NCAM1: variants seen among roughly 807,000 people sequenced by gnomAD.
NCAM1 encodes antigen recognized by monoclonal antibody 5.1H11.
NCAM1 carries 14 observed loss-of-function variants against 109.8 expected under a neutral mutation model. That is an observed-to-expected ratio of 0.13 (90% CI 0.08 to 0.20). The LOEUF (loss-of-function observed/expected upper bound fraction) is 0.20. Ranked by LOEUF, NCAM1 falls within the 10% of genes least tolerant of loss-of-function variation. NCAM1 has a pLI of 1.00. For synonymous variants in NCAM1, 418 were observed against 442.9 expected, an observed-to-expected ratio of 0.94 and a Z score of 0.70; for missense variants, 774 against 1,109.9, an observed-to-expected ratio of 0.70 and a Z score of 4.30.
rs145300323 is a variant in NCAM1 at position 113,149,464 on chromosome 11, G to C, written c.53-52915G>C. On this transcript the variant is annotated intron_variant, in intron 1 of 19. Coordinates refer to ENST00000316851, the MANE Select transcript of NCAM1 (RefSeq NM_181351.5). Reference sequence around the variant, plus strand: ...ACAGGGCAGAGGAAGTGGGAGAGTAGATAAATGGAAGAAATAAGATGAAGG... The same window carrying C: ...ACAGGGCAGAGGAAGTGGGAGAGTACATAAATGGAAGAAATAAGATGAAGG... 3.3e-4 allele frequency among the ~76,000 whole-genome samples: 51 copies of C among 152,296 alleles called. 1 individual carries two copies. The East Asian group carries it at 9.8e-3, about 29-fold the overall frequency.
chr11:113,190,254 G>A (rs544404984), intron 1 of NCAM1, among the ~76,000 whole-genome samples: 1 of 152,304 alleles, frequency 6.6e-6, no homozygotes, highest in Admixed American at 6.5e-5. Context: ...TGGGGGTTGG[G>A]GAAGGATTTT....
intron 15 of NCAM1, among the ~76,000 whole-genome samples, chr11:113,254,710 TC>T (rs1222525279): frequency 6.6e-6 from 1 of 152,134 alleles, no homozygotes; most frequent in African/African-American, 2.4e-5. Context: ...GGCTCTTCTG[TC>T]ACACGTCTGT....
intron 1 of NCAM1, among the ~76,000 whole-genome samples, chr11:113,153,723 G>T (rs966871134): frequency 1.3e-5 from 2 of 152,204 alleles, no homozygotes; most frequent in Non-Finnish European, 2.9e-5. Flanking sequence ...TGTGTTTTGT[G>T]TGTACAGGTG....
intron 1 of NCAM1, among the ~76,000 whole-genome samples, chr11:113,148,734 C>T (rs901620623): frequency 6.6e-6 from 1 of 152,158 alleles, no homozygotes; most frequent in African/African-American, 2.4e-5. Flanking sequence ...TCAATTCCTG[C>T]AGTAGTTTTG....
At chr11:112,984,517 T>C (rs1426344769) in intron 1 of NCAM1, among the ~76,000 whole-genome samples, 2 of 151,958 alleles carry the variant, frequency 1.3e-5, no homozygotes, top group Non-Finnish European at 2.9e-5. Context: ...CCACCAACAG[T>C]GTACAAGGGT....
At chr11:113,251,765 T>G (rs1555121366) in intron 15 of NCAM1, among the ~76,000 whole-genome samples, 3 of 152,128 alleles carry the variant, frequency 2.0e-5, no homozygotes, top group Admixed American at 6.5e-5. Flanking sequence ...TTTACTGAAC[T>G]TACTCATAAT....
chr11:113,260,011 T>G, intron 16 of NCAM1, 135 bp from the exon 17 acceptor site: 2 of 760,722 alleles, frequency 2.6e-6, no homozygotes, highest in East Asian at 2.9e-5. Flanking sequence ...ACCCCCATCA[T>G]TGCTTCTTAT....
intron 1 of NCAM1, among the ~76,000 whole-genome samples, chr11:113,102,555 G>A (rs1939923066): frequency 6.6e-6 from 1 of 152,156 alleles, no homozygotes; most frequent in African/African-American, 2.4e-5. Context: ...AGCCACTACT[G>A]GGATTACTGG....
intron 1 of NCAM1, among the ~76,000 whole-genome samples, chr11:113,185,016 A>AGT (rs60912442): frequency 0.072 from 10,745 of 148,232 alleles, 1,252 homozygotes; most frequent in African/African-American, 0.24. Context: ...CATGCATATA[A>AGT]GTGTGTGTGT....
intron 16 of NCAM1, 21 bp from the exon 17 acceptor site, chr11:113,260,125 C>T (rs1555123014): frequency 1.3e-6 from 2 of 1,599,132 alleles, no homozygotes; most frequent in Non-Finnish European, 1.7e-6. Context: ...TTGTATCCTT[C>T]TTGCCGGTTT....
intron 14 of NCAM1, among the ~76,000 whole-genome samples, chr11:113,242,412 G>C (rs1053330562): frequency 2.0e-5 from 3 of 152,142 alleles, no homozygotes; most frequent in Non-Finnish European, 4.4e-5. Context: ...TTGAGGCCAG[G>C]AGTTCAAGAC....
At chr11:113,120,118 A>C (rs782819487) in intron 1 of NCAM1, among the ~76,000 whole-genome samples, 1 of 152,234 alleles carries the variant, frequency 6.6e-6, no homozygotes, top group Non-Finnish European at 1.5e-5. Context: ...TGACTGTGCC[A>C]GGTTGGAAAA....
In NCAM1 at chr11:113,275,619, G is replaced by A. The variant is rs1946387752; in HGVS notation, c.*232G>A. On this transcript the variant is annotated 3_prime_UTR_variant, in exon 20 of 20. Coordinates refer to ENST00000316851, the MANE Select transcript of NCAM1 (RefSeq NM_181351.5). ...GGGTCCCTTTGTTGCACACTCACTT[G>A]TAAGAAAATGAGACAAAAAGGTTAA... 2 of 430,102 alleles carry A rather than the reference G, an allele frequency of 4.7e-6. No individual in the cohort carries two copies. The highest frequency in any genetic ancestry group is 8.5e-5 in the East Asian group (2 of 23,494). 26.6% of individuals were successfully genotyped at this position (430,102 alleles called of 1,614,324 possible).
chr11:113,101,351 TGTTA>T (rs1246507763), intron 1 of NCAM1, among the ~76,000 whole-genome samples: 1 of 152,218 alleles, frequency 6.6e-6, no homozygotes, highest in Non-Finnish European at 1.5e-5. Context: ...TCAATTCCCC[TGTTA>T]GTTGTTAGCA....
chr11:113,235,341 A>T, intron 14 of NCAM1, 177 bp downstream of exon 14: 2 of 1,315,608 alleles, frequency 1.5e-6, no homozygotes, highest in Non-Finnish European at 2.2e-6. Context: ...GCTAACACAC[A>T]GTCCCTTCAT....
At chr11:113,177,431 CTTGTTG>C (rs559548270) in intron 1 of NCAM1, among the ~76,000 whole-genome samples, 2 of 151,934 alleles carry the variant, frequency 1.3e-5, no homozygotes, top group Non-Finnish European at 2.9e-5. Context: ...CGTATTATGT[CTTGTTG>C]TTGTTGTTGT....
chr11:113,093,239 CAAG>C (rs1335670710), intron 1 of NCAM1, among the ~76,000 whole-genome samples: 3 of 152,132 alleles, frequency 2.0e-5, no homozygotes, highest in African/African-American at 7.2e-5. Context: ...GCCGTAAGGT[CAAG>C]CAGCCAGCAT....
rs568825640 is a variant in NCAM1 at position 113,068,714 on chromosome 11, C to T, written c.52+107050C>T. On this transcript the variant is annotated intron_variant, in intron 1 of 19. Coordinates refer to ENST00000316851, the MANE Select transcript of NCAM1 (RefSeq NM_181351.5). ...ACATTCTACCAAAAGGATCTCATTT[C>T]GAAACCAGGCCCTGCTTGTGACTTT... 5.3e-5 allele frequency among the ~76,000 whole-genome samples: 8 copies of T among 152,150 alleles called. No individual in the cohort carries two copies. In the East Asian group the frequency reaches 5.8e-4, roughly 11 times the overall value.
At chr11:113,124,614 T>C (rs1191663034) in intron 1 of NCAM1, among the ~76,000 whole-genome samples, 1 of 152,212 alleles carries the variant, frequency 6.6e-6, no homozygotes, top group Non-Finnish European at 1.5e-5. Flanking sequence ...GTGTATTTCA[T>C]TCTTTGGCAT....
Sources: allele counts gnomAD v4.1 joint callset (sites outside exome capture counted in the v4.1 genomes callset), GRCh38; gene constraint gnomAD v4.1.1; transcripts MANE v1.5; gene names NCBI Gene and HGNC (gene_info 2026-07-23, HGNC 2026-07-21).